The following PHLDB2 variants were observed in gnomAD, a reference collection of about 807,000 sequenced individuals.
The protein encoded by PHLDB2 is pleckstrin homology-like domain family B member 2.
PHLDB2 carries 71 observed loss-of-function variants against 123.6 expected under a neutral mutation model. That is an observed-to-expected ratio of 0.57 (90% CI 0.47 to 0.70). PHLDB2 has a LOEUF of 0.70. Ranked by LOEUF, PHLDB2 falls within the 30% of genes least tolerant of loss-of-function variation. The pLI is 0.00. For missense variants in PHLDB2, 1,446 were observed against 1,519.5 expected, an observed-to-expected ratio of 0.95 and a Z score of 0.80; for synonymous variants, 547 against 541.6, an observed-to-expected ratio of 1.01 and a Z score of -0.14.
At chr3:111,735,937 C>T (rs1038806113) in intron 1 of PHLDB2, among the ~76,000 whole-genome samples, 29 of 152,170 alleles carry the variant, frequency 1.9e-4, no homozygotes, top group African/African-American at 6.3e-4. Context: ...ACTCACCCAA[C>T]AGTGTCTACA....
chr3:111,735,176 C>G (rs1468129352), intron 1 of PHLDB2, among the ~76,000 whole-genome samples: 2 of 152,202 alleles, frequency 1.3e-5, no homozygotes, highest in African/African-American at 4.8e-5. Context: ...TATCTCATCT[C>G]AGCAAATACC....
chr3:111,849,788 AC>A (rs1309281290), intron 2 of PHLDB2, among the ~76,000 whole-genome samples: 1 of 152,206 alleles, frequency 6.6e-6, no homozygotes, highest in Admixed American at 6.5e-5. Context: ...GTATAGATAC[AC>A]CATGGAATAC....
intron 1 of PHLDB2, among the ~76,000 whole-genome samples, chr3:111,834,197 AGAAT>A (rs2063252566): frequency 1.0e-4 from 3 of 28,810 alleles, no homozygotes; most frequent in Non-Finnish European, 2.4e-4. Context: ...TATATGTAAT[AGAAT>A]TATATATGTA....
At chr3:111,843,938 C>G (rs1488533490) in intron 1 of PHLDB2, among the ~76,000 whole-genome samples, 1 of 152,138 alleles carries the variant, frequency 6.6e-6, no homozygotes, top group Non-Finnish European at 1.5e-5. Flanking sequence ...TAGACAAAAA[C>G]AATGTATGTA....
intron 2 of PHLDB2, among the ~76,000 whole-genome samples, chr3:111,889,052 A>C (rs1231193122): frequency 1.3e-5 from 2 of 152,222 alleles, no homozygotes; most frequent in South Asian, 4.1e-4. Context: ...AAGGTTTGTC[A>C]CAGTTATAGT....
At chr3:111,919,393 C>CTT (rs3830404) in intron 4 of PHLDB2, among the ~76,000 whole-genome samples, 178 bp downstream of exon 4, 3 of 151,152 alleles carry the variant, frequency 2.0e-5, no homozygotes, top group African/African-American at 7.3e-5. Context: ...TTTTTTCTTT[C>CTT]TTTTTTTTTC....
intron 6 of PHLDB2, among the ~76,000 whole-genome samples, chr3:111,938,287 C>T (rs1017622570): frequency 2.0e-5 from 3 of 152,110 alleles, no homozygotes; most frequent in Non-Finnish European, 2.9e-5. Context: ...CCTGCACATG[C>T]GTAGGCTCCC....
chr3:111,974,897 T>C lies in PHLDB2; in HGVS notation c.*334T>C, dbSNP rs2072446791. 1.2e-5 allele frequency: 2 copies of C among 169,724 alleles called. No individual in the cohort carries two copies. Among genetic ancestry groups the C allele is most frequent in the African/African-American group, 4.7e-5 (2 of 42,218 alleles). The allele number at this position is 169,724 out of a possible 1,614,324, so 10.5% of individuals were successfully genotyped here. A position where few individuals can be genotyped will look rare whatever the true frequency, so the allele number is the denominator to read the frequency against. On this transcript the variant is annotated 3_prime_UTR_variant, in exon 18 of 18. Transcript: ENST00000431670. ...AACTAAACAGGTTACAGAATATCTG[T>C]ATGTACTTGGAAATACAGAATAACT...
chr3:111,918,997 G>A, intron 3 of PHLDB2, 75 bp from the exon 4 acceptor site: 1 of 1,481,742 alleles, frequency 6.7e-7, no homozygotes, highest in East Asian at 2.3e-5. Context: ...TAGACCTGTG[G>A]ATGGTTTACA....
At chr3:111,909,924 T>C (rs2107491247) in intron 2 of PHLDB2, among the ~76,000 whole-genome samples, 1 of 152,332 alleles carries the variant, frequency 6.6e-6, no homozygotes, top group South Asian at 2.1e-4. Flanking sequence ...CAGCAGTTGG[T>C]TTTCTGCATA....
At chr3:111,849,532 C>G (rs1035499883) in intron 2 of PHLDB2, among the ~76,000 whole-genome samples, 1 of 152,258 alleles carries the variant, frequency 6.6e-6, no homozygotes, top group East Asian at 1.9e-4. Flanking sequence ...AGGAATCAAG[C>G]TCTGGAAATT....
chr3:111,746,173 G>C (rs1176733287), intron 1 of PHLDB2, among the ~76,000 whole-genome samples: 1 of 152,206 alleles, frequency 6.6e-6, no homozygotes, highest in African/African-American at 2.4e-5. Context: ...GTTATGGACT[G>C]AGCGAGTCAG....
chr3:111,777,270 T>A (rs1005195888), intron 1 of PHLDB2, among the ~76,000 whole-genome samples: 2 of 152,146 alleles, frequency 1.3e-5, no homozygotes, highest in Non-Finnish European at 1.5e-5. Context: ...CAGGTATCTA[T>A]CTCCATTACA....
rs114704897 is a variant in PHLDB2 at position 111,805,164 on chromosome 3, G to A, written c.-48-40657G>A. On this transcript the variant is annotated intron_variant, in intron 1 of 17. Coordinates refer to the PHLDB2 transcript ENST00000393923. ...TTTACCCAAGAGAGATGAAACATAA[G>A]TCCACAAAAGACTTGTACATAAATG... Among the ~76,000 whole-genome samples, 832 of 152,252 alleles carry A rather than the reference G, an allele frequency of 5.5e-3. 5 individuals carry two copies. The highest frequency in any genetic ancestry group is 9.6e-3 in the Non-Finnish European group (655 of 68,018).
chr3:111,886,238 A>G (rs1001972907), intron 2 of PHLDB2, among the ~76,000 whole-genome samples: 13 of 152,354 alleles, frequency 8.5e-5, no homozygotes, highest in African/African-American at 2.9e-4. Flanking sequence ...ATTTACAGCA[A>G]CACAGTAGGA....
chr3:111,958,547 T>C (rs1303024175), intron 12 of PHLDB2, among the ~76,000 whole-genome samples: 3 of 152,280 alleles, frequency 2.0e-5, no homozygotes, highest in Non-Finnish European at 4.4e-5. Context: ...AAATGGGCCT[T>C]GCACATTTGG....
At chr3:111,868,710 T>G (rs2065204736) in intron 1 of PHLDB2, among the ~76,000 whole-genome samples, 1 of 152,170 alleles carries the variant, frequency 6.6e-6, no homozygotes, top group Admixed American at 6.5e-5. Context: ...TTAACACAAA[T>G]GTGAGCCTAA....
intron 1 of PHLDB2, among the ~76,000 whole-genome samples, chr3:111,798,778 T>C (rs2061266164): frequency 6.6e-6 from 1 of 152,186 alleles, no homozygotes; most frequent in East Asian, 1.9e-4. Context: ...ATACAATCAA[T>C]TTCAAAATAT....
chr3:111,860,326 A>C (rs1000447424), intron 1 of PHLDB2, among the ~76,000 whole-genome samples: 1 of 152,058 alleles, frequency 6.6e-6, no homozygotes, highest in Admixed American at 6.5e-5. Flanking sequence ...TTTAACCGCC[A>C]AAAGCGGCTG....
Sources: allele counts gnomAD v4.1 joint callset (sites outside exome capture counted in the v4.1 genomes callset), GRCh38; gene constraint gnomAD v4.1.1; transcripts MANE v1.5; gene names NCBI Gene and HGNC (gene_info 2026-07-23, HGNC 2026-07-21).